The following ZNF541 variants were observed in gnomAD, a reference collection of about 807,000 sequenced individuals.
ZNF541 encodes the protein zinc finger protein 541.
Under a neutral mutation model 123.5 loss-of-function variants are expected in ZNF541, and 23 were observed. The observed-to-expected ratio is 0.19, with a 90% CI of 0.13 to 0.26. ZNF541 has a LOEUF of 0.26. Among genes scored for constraint, ZNF541 ranks in the 10% least tolerant of loss-of-function variants. ZNF541 has a pLI of 1.00. For synonymous variants in ZNF541, 751 were observed against 754.5 expected (o/e 1.00, Z 0.08); for missense variants, 1,612 against 1,789.9 (o/e 0.90, Z 1.79).
intron 14 of ZNF541, among the ~76,000 whole-genome samples, chr19:47,527,722 G>A (rs1002193154): frequency 2.6e-5 from 4 of 151,240 alleles, no homozygotes; most frequent in African/African-American, 7.3e-5. Flanking sequence ...TTTTTGAGAC[G>A]GAGTTTCACT....
chr19:47,537,098 G>A (rs1969856519), intron 9 of ZNF541, among the ~76,000 whole-genome samples: 1 of 152,176 alleles, frequency 6.6e-6, no homozygotes, highest in Admixed American at 6.5e-5. Context: ...GGGGATATGG[G>A]CGGAGTCACT....
In ZNF541 at chr19:47,540,941, A is replaced by G; in HGVS notation, c.2414T>C (p.Ile805Thr). 1 of 1,550,868 alleles carries G rather than the reference A, an allele frequency of 6.4e-7. No individual in the cohort carries two copies. Among genetic ancestry groups the G allele is most frequent in the Admixed American group, 2.0e-5 (1 of 50,832 alleles). The change falls in exon 6 of 17, where the codon ATC becomes ACC. Residue 805 changes from isoleucine (I) to threonine (T), a missense_variant. Coordinates refer to ENST00000391901, the MANE Select transcript of ZNF541 (RefSeq NM_001277075.3). ...CTTCACCGGATGGGGGAGCCTGTAG[A>G]TGTTTCCACCCTGAAGATGAAAATG... ...TIFSRIQGGN[I>T]YRLPHPVKEE...
At chr19:47,523,089 CTT>C (rs886403433) in intron 14 of ZNF541, among the ~76,000 whole-genome samples, 3 of 143,034 alleles carry the variant, frequency 2.1e-5, no homozygotes, top group Non-Finnish European at 1.5e-5. Flanking sequence ...GAGCGAGTAT[CTT>C]TTTTTTTTTT....
intron 2 of ZNF541, among the ~76,000 whole-genome samples, chr19:47,564,332 A>C (rs1971180586): frequency 1.3e-5 from 2 of 152,230 alleles, no homozygotes; most frequent in South Asian, 4.1e-4. Flanking sequence ...TGATATTTAC[A>C]TCCTTCTCCA....
At chr19:47,540,119 C>T in intron 7 of ZNF541, 57 bp downstream of exon 7, 1 of 1,512,978 alleles carries the variant, frequency 6.6e-7, no homozygotes, top group East Asian at 2.5e-5. Context: ...CTCGTTTACT[C>T]CCCACAGGCC....
Position 47,549,415 on chromosome 19 carries a change from C to T in ZNF541, c.378G>A (p.Arg126=), listed in dbSNP as rs1970503051. 4 of 1,551,728 alleles carry T rather than the reference C, an allele frequency of 2.6e-6. No homozygotes were observed. The East Asian group carries it at 9.8e-5, about 38-fold the overall frequency. Residue 126 remains arginine, a synonymous_variant, in exon 4 of 17, where the codon AGG becomes AGA. Transcript: ENST00000391901. ...GGGAACTGTGCTGCCGCTTTCCTTT[C>T]CTGGCACTCCCCGAGGTGGCCCTTC... The part of the protein sequence containing the change: ...EGGRATSGSA[R]KGKRQHSSPQ...
chr19:47,544,092 A>G (rs1408095389), intron 5 of ZNF541, 34 bp downstream of exon 5: 2 of 1,509,376 alleles, frequency 1.3e-6, no homozygotes, highest in Non-Finnish European at 1.8e-6. Flanking sequence ...AACTCACTCC[A>G]CTCTGGTCAG....
At chr19:47,533,280 A>C (rs780907906) in intron 9 of ZNF541, among the ~76,000 whole-genome samples, 5 of 143,516 alleles carry the variant, frequency 3.5e-5, no homozygotes, top group Non-Finnish European at 7.5e-5. Flanking sequence ...GAATGGCGTG[A>C]ACCCAGGAGG....
intron 2 of ZNF541, among the ~76,000 whole-genome samples, chr19:47,567,239 A>C (rs1239215738): frequency 6.7e-6 from 1 of 149,642 alleles, no homozygotes; most frequent in Non-Finnish European, 1.5e-5. Flanking sequence ...TATTTTATTT[A>C]AGTTTAGTTA....
intron 2 of ZNF541, among the ~76,000 whole-genome samples, chr19:47,569,180 A>C (rs1440138663): frequency 6.6e-6 from 1 of 152,102 alleles, no homozygotes; most frequent in African/African-American, 2.4e-5. Context: ...ATCTCTAGAA[A>C]GGGCTTATGG....
Position 47,521,123 on chromosome 19 carries a change from G to A in ZNF541, c.*101C>T, listed in dbSNP as rs1969003631. On this transcript the variant is annotated 3_prime_UTR_variant, in exon 17 of 17. Coordinates refer to ENST00000391901, the MANE Select transcript of ZNF541 (RefSeq NM_001277075.3). The surrounding 1 kb of genome is among the most constrained non-coding windows in gnomAD (Gnocchi z 4.2). ...AGGCAGGTTGGCCAACAGGGGACAGGGAGGGTGGGGGGAGGCAGAGGGGTG... is the reference window on the plus strand; with the variant it reads ...AGGCAGGTTGGCCAACAGGGGACAGAGAGGGTGGGGGGAGGCAGAGGGGTG... 2 of 1,424,646 alleles carry A rather than the reference G, an allele frequency of 1.4e-6. No homozygotes were observed. Among genetic ancestry groups the A allele is most frequent in the South Asian group, 2.8e-5 (2 of 71,692 alleles). 88.3% of individuals were successfully genotyped at this position (1,424,646 alleles called of 1,614,324 possible).
chr19:47,560,948 T>A (rs895813862), intron 2 of ZNF541, among the ~76,000 whole-genome samples: 1 of 151,648 alleles, frequency 6.6e-6, no homozygotes, highest in Non-Finnish European at 1.5e-5. Flanking sequence ...CATTGCTAAG[T>A]GAAGGAAGCC....
At chr19:47,562,326 T>A (rs1599737182) in intron 2 of ZNF541, among the ~76,000 whole-genome samples, 1 of 148,324 alleles carries the variant, frequency 6.7e-6, no homozygotes, top group Non-Finnish European at 1.5e-5. Flanking sequence ...GGCGGATCAC[T>A]TGAGGTCAGG....
rs1305073617 is a variant in ZNF541 at position 47,529,644 on chromosome 19, C to T, written c.3414G>A (p.Leu1138=). 6.4e-7 allele frequency: 1 copy of T among 1,551,638 alleles called. No homozygotes were observed. The highest frequency in any genetic ancestry group is 8.7e-7 in the Non-Finnish European group (1 of 1,146,964). The change falls in exon 13 of 17, where the codon CTG becomes CTA. Residue 1138 remains leucine, a synonymous_variant. Transcript: ENST00000391901. ...HEAQGNVQVA[L]ETLLLRGPHK... is the part of the protein sequence containing the mutation. ...GGGGCCCTCGGAGCAGAAGAGTCTC[C>T]AGGGCGACCTGGAACAAGAGGAGCG...
At chr19:47,543,511 G>C (rs914346354) in intron 5 of ZNF541, among the ~76,000 whole-genome samples, 2 of 151,734 alleles carry the variant, frequency 1.3e-5, no homozygotes, top group Non-Finnish European at 2.9e-5. Flanking sequence ...AAAGGAAAGA[G>C]AGCATCTACC....
Position 47,521,512 on chromosome 19 carries a change from C to T in ZNF541, c.3854G>A (p.Ser1285Asn), listed in dbSNP as rs865974656. 1 of 1,551,672 alleles carries T rather than the reference C, an allele frequency of 6.4e-7. No homozygotes were observed. The highest frequency in any genetic ancestry group is 8.7e-7 in the Non-Finnish European group (1 of 1,146,984). The change falls in exon 16 of 17, where the codon AGC becomes AAC. Residue 1285 changes from serine (S) to asparagine (N), a missense_variant. Coordinates refer to ENST00000391901, the MANE Select transcript of ZNF541 (RefSeq NM_001277075.3). The surrounding 1 kb of genome is among the most constrained non-coding windows in gnomAD (Gnocchi z 4.2). ...CTCTCTGCATGGAAAAATGCCCTGG[C>T]TCTCTGCACTTCCCAACAGCTCGGG... Reference protein sequence around the residue: ...RTPELLGSAESQGIFPCRECE... With the variant: ...RTPELLGSAENQGIFPCRECE...
Position 47,545,681 on chromosome 19 carries a change from A to C in ZNF541, c.848T>G (p.Val283Gly), listed in dbSNP as rs1315159359. The part of the protein sequence containing the change: ...DLLRRIVSSI[V>G]HQKTPSPGPA... ...GCCAGGAGAAGGGGTCTTCTGGTGG[A>C]CGATGCTACTCACGATGCGGCGCAG... is the stretch of plus-strand genomic sequence containing the variant. Residue 283 changes from valine (V) to glycine (G), a missense_variant, in exon 5 of 17, where the codon GTC becomes GGC. Transcript: ENST00000391901. This position sits in a 1 kb window ranked among gnomAD's most constrained non-coding sequence, Gnocchi z 7.5. The C allele has an allele frequency of 6.5e-7, 1 of 1,548,324 alleles. No individual in the cohort carries two copies. The highest frequency in any genetic ancestry group is 1.2e-5 in the South Asian group (1 of 84,022).
chr19:47,529,460 G>T, intron 13 of ZNF541, 117 bp downstream of exon 13: 2 of 1,017,516 alleles, frequency 2.0e-6, no homozygotes, highest in Non-Finnish European at 2.9e-6. Flanking sequence ...CCTCCTGAAA[G>T]GCAGGCAAAG....
At chr19:47,527,452 G>A (rs183207777) in intron 14 of ZNF541, among the ~76,000 whole-genome samples, 1 of 152,148 alleles carries the variant, frequency 6.6e-6, no homozygotes, top group East Asian at 1.9e-4. Flanking sequence ...CTGGAGTGCA[G>A]TGGTGCAATC....
Sources: gnomAD v4.1 joint callset for allele counts (sites outside exome capture counted in the v4.1 genomes callset) on GRCh38, gnomAD v4.1.1 for gene constraint, Gnocchi (gnomAD v3.1) non-coding constraint, MANE v1.5 for transcripts, NCBI Gene and HGNC (gene_info 2026-07-23, HGNC 2026-07-21) for gene names.